The following CDH12 variants were observed in gnomAD, a reference collection of about 807,000 sequenced individuals.
The protein encoded by CDH12 is cadherin-12.
A neutral mutation model predicts 74.1 loss-of-function variants in CDH12; 41 were observed. The ratio of observed to expected loss-of-function variants is 0.55; its 90% CI spans 0.43 to 0.72. The LOEUF is 0.72. CDH12 is among the 30% of genes least tolerant of loss of function. The probability of loss-of-function intolerance (pLI) is 0.00; values close to 1 mark genes in which losing one functional copy is unlikely to be tolerated. For synonymous variants in CDH12, 399 were observed against 355.0 expected, an observed-to-expected ratio of 1.12 and a Z score of -1.39; for missense variants, 945 against 977.2, an observed-to-expected ratio of 0.97 and a Z score of 0.44.
At chr5:22,273,096 C>T (rs544321816) in intron 3 of CDH12, among the ~76,000 whole-genome samples, 76 of 152,242 alleles carry the variant, frequency 5.0e-4, no homozygotes, top group African/African-American at 1.8e-3. Flanking sequence ...CCTCCCCCAA[C>T]ATGTGGGGAT....
chr5:22,045,498 C>T (rs778923213), intron 5 of CDH12, among the ~76,000 whole-genome samples: 1 of 151,022 alleles, frequency 6.6e-6, no homozygotes, highest in Non-Finnish European at 1.5e-5. Flanking sequence ...ATGTTTAATG[C>T]AGCACTATTC....
chr5:21,890,610 G>C (rs931815835), intron 6 of CDH12, among the ~76,000 whole-genome samples: 1 of 151,986 alleles, frequency 6.6e-6, no homozygotes, highest in Middle Eastern at 3.2e-3. Context: ...TTGTTTATTT[G>C]CATTTGTATG....
chr5:22,554,305 C>T (rs1317020054), intron 1 of CDH12, among the ~76,000 whole-genome samples: 1 of 151,968 alleles, frequency 6.6e-6, no homozygotes, highest in East Asian at 1.9e-4. Context: ...GGGAAACTAT[C>T]AATTGGCTGA....
intron 1 of CDH12, among the ~76,000 whole-genome samples, chr5:22,512,699 T>C (rs563025651): frequency 1.4e-4 from 22 of 152,328 alleles, no homozygotes; most frequent in African/African-American, 5.3e-4. Flanking sequence ...GTGAAGTCTG[T>C]ACTAATGCAG....
chr5:22,195,075 C>G (rs931647988), intron 4 of CDH12, among the ~76,000 whole-genome samples: 18 of 152,104 alleles, frequency 1.2e-4, no homozygotes, highest in African/African-American at 4.3e-4. Flanking sequence ...TATGGGTTGC[C>G]ATAGGTTCTT....
chr5:21,819,926 ATATTAGGTT>A (rs1471011531), intron 8 of CDH12, among the ~76,000 whole-genome samples: 2 of 151,998 alleles, frequency 1.3e-5, no homozygotes, highest in Non-Finnish European at 2.9e-5. Context: ...TTGAAGTTAC[ATATTAGGTT>A]TATGAGTTAG....
At chr5:22,068,486 C>T (rs1308684855) in intron 5 of CDH12, among the ~76,000 whole-genome samples, 2 of 152,110 alleles carry the variant, frequency 1.3e-5, no homozygotes, top group Admixed American at 6.6e-5. Flanking sequence ...AGCAGTGCAC[C>T]TGGTTTTTCA....
intron 6 of CDH12, among the ~76,000 whole-genome samples, chr5:21,912,240 CAT>C (rs1753888192): frequency 6.6e-6 from 1 of 151,582 alleles, no homozygotes; most frequent in Non-Finnish European, 1.5e-5. Context: ...AAACCAGAAA[CAT>C]AGTGTGCTTT....
intron 8 of CDH12, among the ~76,000 whole-genome samples, chr5:21,841,713 A>G (rs1339990624): frequency 6.6e-6 from 1 of 152,002 alleles, no homozygotes. Context: ...TTGTCGGGAC[A>G]TGGATGAAAC....
chr5:21,789,637 T>A (rs541684190), intron 10 of CDH12, among the ~76,000 whole-genome samples: 27 of 152,244 alleles, frequency 1.8e-4, no homozygotes, highest in Non-Finnish European at 3.7e-4. Context: ...CCCATACTCT[T>A]TTCTTGTGAA....
At chr5:21,857,115 C>A (rs1750793684) in intron 6 of CDH12, among the ~76,000 whole-genome samples, 1 of 151,768 alleles carries the variant, frequency 6.6e-6, no homozygotes, top group Non-Finnish European at 1.5e-5. Context: ...ATGCAAATCT[C>A]CGAGGACTAC....
intron 3 of CDH12, among the ~76,000 whole-genome samples, chr5:22,304,579 G>A (rs138430300): frequency 6.6e-6 from 1 of 152,180 alleles, no homozygotes; most frequent in South Asian, 2.1e-4. Context: ...CTATATAGGA[G>A]ACATGAAGGT....
intron 6 of CDH12, among the ~76,000 whole-genome samples, chr5:21,973,921 G>A (rs961896688): frequency 5.3e-5 from 8 of 152,070 alleles, no homozygotes; most frequent in Non-Finnish European, 8.8e-5. Context: ...AGCAGGTACT[G>A]AATAACAGAT....
intron 6 of CDH12, among the ~76,000 whole-genome samples, chr5:21,958,293 A>G (rs1450127678): frequency 6.6e-6 from 1 of 151,998 alleles, no homozygotes; most frequent in Non-Finnish European, 1.5e-5. Flanking sequence ...GTGAAAATGG[A>G]CTAATGAAGT....
At chr5:21,882,752 A>G (rs964243321) in intron 6 of CDH12, 11 of 1,605,250 alleles carry the variant, frequency 6.9e-6, no homozygotes, top group Non-Finnish European at 9.4e-6. Context: ...TGGCCGTTAC[A>G]ATGGAGCCAA....
At chr5:22,040,931 A>C (rs1375252172) in intron 5 of CDH12, among the ~76,000 whole-genome samples, 1 of 152,176 alleles carries the variant, frequency 6.6e-6, no homozygotes. Flanking sequence ...GTACTATATA[A>C]ATCATATATA....
intron 1 of CDH12, among the ~76,000 whole-genome samples, chr5:22,565,363 A>G (rs560706027): frequency 4.6e-5 from 7 of 152,310 alleles, no homozygotes; most frequent in South Asian, 2.1e-4. Context: ...ATTTCCACCA[A>G]CAGGGTAATA....
At chr5:22,358,904 A>T (rs1022103187) in intron 3 of CDH12, among the ~76,000 whole-genome samples, 1 of 152,202 alleles carries the variant, frequency 6.6e-6, no homozygotes, top group Non-Finnish European at 1.5e-5. Context: ...GAAAACTATT[A>T]TTCACAACAA....
At chr5:22,640,229 T>C (rs1372968729) in intron 1 of CDH12, among the ~76,000 whole-genome samples, 1 of 152,170 alleles carries the variant, frequency 6.6e-6, no homozygotes, top group Non-Finnish European at 1.5e-5. Context: ...TCACCTTCAT[T>C]GAGAGAGACG....
Sources: gnomAD v4.1 joint callset for allele counts (sites outside exome capture counted in the v4.1 genomes callset) on GRCh38, gnomAD v4.1.1 for gene constraint, MANE v1.5 for transcripts, NCBI Gene and HGNC (gene_info 2026-07-23, HGNC 2026-07-21) for gene names.